The following DMXL2 variants were observed in gnomAD, a reference collection of about 807,000 sequenced individuals.
DMXL2 encodes Dmx like 2.
In DMXL2, 103 loss-of-function variants were observed where a neutral mutation model predicts 331.1. The ratio of observed to expected loss-of-function variants is 0.31; its 90% confidence interval spans 0.27 to 0.37. DMXL2 has a LOEUF of 0.37. Among genes scored for constraint, DMXL2 ranks in the 10% least tolerant of loss-of-function variants. The pLI is 1.00. For synonymous variants in DMXL2, 1,281 were observed against 1,252.1 expected (o/e 1.02, Z -0.49); for missense variants, 3,171 against 3,642.9 (o/e 0.87, Z 3.33).
In DMXL2 at chr15:51,449,027, G is replaced by GGC; in HGVS notation, c.9132_9133dup (p.Pro3045ArgfsTer55). The GGC allele has an allele frequency of 6.2e-7, 1 of 1,614,070 alleles. No homozygotes were observed. The highest frequency in any genetic ancestry group is 8.5e-7 in the Non-Finnish European group (1 of 1,180,008). On this transcript the variant is annotated frameshift_variant, in exon 44 of 44. Transcript: ENST00000560891. LOFTEE classifies it high-confidence loss of function. ...TCTGTTAGGGATGTTAAAAGCATTGGGCAAAACCCTGGTTTTCAGCGTGCC... is the reference window on the plus strand; with the variant it reads ...TCTGTTAGGGATGTTAAAAGCATTGGGCGCAAAACCCTGGTTTTCAGCGTGCC...
chr15:51,485,219 G>A lies in DMXL2; in HGVS notation c.5482+854C>T, dbSNP rs528850750. 1.5e-3 allele frequency among the ~76,000 whole-genome samples: 232 copies of A among 152,206 alleles called. 2 individuals carry two copies. Among genetic ancestry groups the A allele is most frequent in the African/African-American group, 5.4e-3 (223 of 41,536 alleles). On this transcript the variant is annotated intron_variant, in intron 23 of 43. Transcript: ENST00000560891. ...AACAGCCCAAAATTCCCAAGTCTTG[G>A]GAAAGAGATAGGCATCTAGGTCCAG...
chr15:51,500,098 C>G lies in DMXL2; in HGVS notation c.3126G>C (p.Glu1042Asp). ...ATCTCTTCCAATGATAAATTTCTTT[C>G]TCATCACTTTTATTACACTCTGGGT... is the stretch of plus-strand genomic sequence containing the variant. ...EANPECNKSD[E>D]KEIYHWKRWP... Residue 1042 changes from glutamate to aspartate, a missense_variant, in exon 18 of 44, where the codon GAG becomes GAC. By Grantham distance (45) the Glu-to-Asp change is conservative. This residue lies in a region of DMXL2 where 1,674 missense variants were observed against 1,780.2 expected (regional missense o/e 0.94). Transcript: ENST00000560891. 6.2e-7 allele frequency: 1 copy of G among 1,614,152 alleles called. No individual in the cohort carries two copies. The highest frequency in any genetic ancestry group is 8.5e-7 in the Non-Finnish European group (1 of 1,180,016).
At chr15:51,467,314 A>G (rs1405131535) in intron 29 of DMXL2, among the ~76,000 whole-genome samples, 1 of 152,164 alleles carries the variant, frequency 6.6e-6, no homozygotes, top group East Asian at 1.9e-4. Context: ...ATTTCTGTGC[A>G]TGATAAACTT....
At chr15:51,520,415 ATTTTG>A (rs2047288201) in intron 13 of DMXL2, among the ~76,000 whole-genome samples, 1 of 152,198 alleles carries the variant, frequency 6.6e-6, no homozygotes. Flanking sequence ...TACTTTAAAC[ATTTTG>A]TTTTATTTTA....
chr15:51,512,434 T>C (rs1220766719), intron 15 of DMXL2, among the ~76,000 whole-genome samples: 1 of 152,174 alleles, frequency 6.6e-6, no homozygotes, highest in Non-Finnish European at 1.5e-5. Context: ...TATTATCAAT[T>C]TGATAACAGC....
At chr15:51,500,858 C>T (rs775228174) in intron 17 of DMXL2, among the ~76,000 whole-genome samples, 17 of 152,140 alleles carry the variant, frequency 1.1e-4, no homozygotes, top group Non-Finnish European at 2.2e-4. Flanking sequence ...AACTGTAAGA[C>T]AAGGGGATAT....
chr15:51,498,274 C>CA (rs2043327647), intron 18 of DMXL2, among the ~76,000 whole-genome samples: 2 of 151,808 alleles, frequency 1.3e-5, no homozygotes, highest in South Asian at 2.1e-4. Context: ...CAAACACACA[C>CA]AAAAAAACAA....
intron 17 of DMXL2, among the ~76,000 whole-genome samples, chr15:51,501,923 A>AG (rs2043648810): frequency 6.9e-6 from 1 of 145,964 alleles, no homozygotes; most frequent in Non-Finnish European, 1.5e-5. Flanking sequence ...CCATCTCAAA[A>AG]AAAAAAAAAA....
intron 13 of DMXL2, among the ~76,000 whole-genome samples, chr15:51,524,243 C>G (rs1268387507): frequency 6.6e-6 from 1 of 152,182 alleles, no homozygotes; most frequent in Non-Finnish European, 1.5e-5. Flanking sequence ...CAAAGGAAAT[C>G]AAAACATATG....
chr15:51,592,689 A>G (rs978920494), intron 1 of DMXL2, among the ~76,000 whole-genome samples: 18 of 152,278 alleles, frequency 1.2e-4, no homozygotes, highest in African/African-American at 4.3e-4. Flanking sequence ...CACAAATGGA[A>G]GCCCATCAGA....
At position 51,457,656 on chromosome 15, in the gene DMXL2, GT is replaced by G. The variant is rs1208232310; in HGVS notation, c.8199-191del. 1.1e-5 allele frequency: 6 copies of G among 563,206 alleles called. No individual in the cohort carries two copies. The East Asian group carries it at 1.9e-4, about 18-fold the overall frequency. The allele number at this position is 563,206 out of a possible 1,614,324, so 34.9% of individuals were successfully genotyped here. A position where few individuals can be genotyped will look rare whatever the true frequency, so the allele number is the denominator to read the frequency against. ...TAACTTTTTTCCCTTTTGGCAAAAT[GT>G]AAATTTAGTCTAATGTTGTTTGGGG... On this transcript the variant is annotated intron_variant, in intron 36 of 43. Coordinates refer to ENST00000560891, the MANE Select transcript of DMXL2 (RefSeq NM_001378457.1).
intron 1 of DMXL2, among the ~76,000 whole-genome samples, chr15:51,606,308 A>T (rs9944259): frequency 0.48 from 72,642 of 151,772 alleles, 17,754 homozygotes; most frequent in Non-Finnish European, 0.52. Context: ...CCCGGGTTCA[A>T]GCAATTCTTC....
intron 13 of DMXL2, among the ~76,000 whole-genome samples, chr15:51,529,382 A>G (rs8030113): frequency 0.76 from 115,858 of 151,954 alleles, 44,763 homozygotes; most frequent in African/African-American, 0.86. Flanking sequence ...AAAAGAAAGA[A>G]AAGACCCAAA....
At chr15:51,508,719 A>G (rs958622418) in intron 15 of DMXL2, among the ~76,000 whole-genome samples, 2 of 152,226 alleles carry the variant, frequency 1.3e-5, no homozygotes, top group African/African-American at 4.8e-5. Flanking sequence ...CAGACTCCTC[A>G]TTCTGAAACT....
intron 13 of DMXL2, among the ~76,000 whole-genome samples, chr15:51,535,043 T>G (rs2140870901): frequency 6.6e-6 from 1 of 152,320 alleles, no homozygotes; most frequent in South Asian, 2.1e-4. Context: ...CTGAAACTTA[T>G]ATTTTGTATT....
chr15:51,619,710 G>C (rs2054510037), intron 1 of DMXL2, among the ~76,000 whole-genome samples: 1 of 152,150 alleles, frequency 6.6e-6, no homozygotes, highest in African/African-American at 2.4e-5. Context: ...ATTGTATTTT[G>C]AAAAGGTTCT....
chr15:51,518,282 G>A (rs184033524), intron 13 of DMXL2, among the ~76,000 whole-genome samples: 105 of 152,156 alleles, frequency 6.9e-4, no homozygotes, highest in African/African-American at 2.5e-3. Context: ...GCAGTGAGCC[G>A]AGATTGCACC....
chr15:51,573,201 G>A (rs1256444450), intron 2 of DMXL2, among the ~76,000 whole-genome samples: 1 of 152,214 alleles, frequency 6.6e-6, no homozygotes, highest in Non-Finnish European at 1.5e-5. Context: ...AACAACAGAT[G>A]CTGGAGAGGA....
chr15:51,536,297 C>T lies in DMXL2; in HGVS notation c.2183G>A (p.Trp728Ter). 6.2e-7 allele frequency: 1 copy of T among 1,614,050 alleles called. No individual in the cohort carries two copies. The highest frequency in any genetic ancestry group is 8.5e-7 in the Non-Finnish European group (1 of 1,179,948). ...CAAAGGTCCTATTGGGTCTACACGCCACAGAATAAGTTCACTGTAGATTGC... is the reference window on the plus strand; with the variant it reads ...CAAAGGTCCTATTGGGTCTACACGCTACAGAATAAGTTCACTGTAGATTGC... ...PNAIYSELIL[W>*]RVDPIGPLSY... Residue 728 changes from tryptophan to a stop codon, truncating the protein, a stop_gained, in exon 12 of 44, where the codon TGG (tryptophan) becomes TAG (stop). Coordinates refer to ENST00000560891, the MANE Select transcript of DMXL2 (RefSeq NM_001378457.1). LOFTEE classifies it high-confidence loss of function.
Sources: allele counts gnomAD v4.1 joint callset (sites outside exome capture counted in the v4.1 genomes callset), GRCh38; gene constraint gnomAD v4.1.1; regional missense constraint gnomAD v4.1.1; transcripts MANE v1.5; gene names NCBI Gene and HGNC (gene_info 2026-07-23, HGNC 2026-07-21).